The following GASK1B variants were observed in gnomAD, a reference collection of about 807,000 sequenced individuals.
The protein encoded by GASK1B is golgi associated kinase 1B.
In GASK1B, 34 loss-of-function variants were observed where a neutral mutation model predicts 42.8. That is an observed-to-expected ratio of 0.79 (90% CI 0.60 to 1.06). GASK1B has a LOEUF of 1.06. Ranked by LOEUF, GASK1B falls within the 50% of genes least tolerant of loss-of-function variation. The pLI is 0.00. For synonymous variants in GASK1B, 262 were observed against 259.1 expected (o/e 1.01, Z -0.11); for missense variants, 686 against 661.0 (o/e 1.04, Z -0.42).
intron 3 of GASK1B, among the ~76,000 whole-genome samples, chr4:158,153,335 G>A (rs1269201928): frequency 2.0e-5 from 3 of 152,144 alleles, no homozygotes; most frequent in African/African-American, 4.8e-5. Flanking sequence ...ACAAAACACT[G>A]CTGAAAGAAA....
intron 4 of GASK1B, among the ~76,000 whole-genome samples, chr4:158,129,649 G>C (rs1000108088): frequency 1.3e-5 from 2 of 152,042 alleles, no homozygotes; most frequent in Middle Eastern, 3.4e-3. Flanking sequence ...TAGCACCACA[G>C]TTATTACAGA....
In GASK1B at chr4:158,170,551, A is replaced by G; in HGVS notation, c.825T>C (p.Ser275=). 3 of 1,614,086 alleles carry G rather than the reference A, an allele frequency of 1.9e-6. No homozygotes were observed. Among genetic ancestry groups the G allele is most frequent in the Non-Finnish European group, 2.5e-6 (3 of 1,180,014 alleles). The change falls in exon 2 of 5, where the codon AGT becomes AGC. Residue 275 remains serine, a synonymous_variant. Coordinates refer to ENST00000585682, the MANE Select transcript of GASK1B (RefSeq NM_001128424.2). The part of the protein sequence containing the change: ...CGLLKQPLDM[S]EVFAFHLDRI... Reference sequence around the variant, plus strand: ...TGTCTAGGTGGAAGGCAAACACCTCACTCATGTCCAAGGGCTGCTTGAGAA... The same window carrying G: ...TGTCTAGGTGGAAGGCAAACACCTCGCTCATGTCCAAGGGCTGCTTGAGAA...
intron 3 of GASK1B, among the ~76,000 whole-genome samples, chr4:158,142,276 T>C (rs1390985969): frequency 2.0e-5 from 3 of 152,164 alleles, no homozygotes; most frequent in Non-Finnish European, 4.4e-5. Context: ...CCAAATACCA[T>C]AATGAGCAGT....
At chr4:158,153,700 C>G (rs898558790) in intron 3 of GASK1B, among the ~76,000 whole-genome samples, 1 of 152,078 alleles carries the variant, frequency 6.6e-6, no homozygotes, top group Non-Finnish European at 1.5e-5. Flanking sequence ...GAAATAAAGT[C>G]AAATACTTAC....
chr4:158,162,586 G>A (rs1356848219), intron 2 of GASK1B, among the ~76,000 whole-genome samples: 1 of 152,182 alleles, frequency 6.6e-6, no homozygotes, highest in Non-Finnish European at 1.5e-5. Flanking sequence ...CATAGAGACA[G>A]GGATGTGCAG....
At chr4:158,163,072 T>C (rs1315792148) in intron 2 of GASK1B, among the ~76,000 whole-genome samples, 1 of 152,218 alleles carries the variant, frequency 6.6e-6, no homozygotes, top group Non-Finnish European at 1.5e-5. Flanking sequence ...AATAAGATAA[T>C]GGATGCAAAC....
At chr4:158,145,326 TAGG>T (rs1731290664) in intron 3 of GASK1B, among the ~76,000 whole-genome samples, 1 of 152,134 alleles carries the variant, frequency 6.6e-6, no homozygotes. Context: ...AGGTAAGAAT[TAGG>T]AGGACAGAGT....
intron 2 of GASK1B, among the ~76,000 whole-genome samples, chr4:158,162,481 A>C (rs561698205): frequency 1.2e-4 from 18 of 152,310 alleles, no homozygotes; most frequent in African/African-American, 3.6e-4. Flanking sequence ...CCATGGACCC[A>C]GAATAAAAAT....
chr4:158,171,995 A>G (rs1476879853), intron 1 of GASK1B, among the ~76,000 whole-genome samples: 1 of 152,242 alleles, frequency 6.6e-6, no homozygotes, highest in African/African-American at 2.4e-5. Context: ...ACTAAGTACA[A>G]GCAGCAAGTA....
intron 2 of GASK1B, among the ~76,000 whole-genome samples, chr4:158,165,531 A>G (rs1429021461): frequency 2.0e-5 from 3 of 152,200 alleles, no homozygotes; most frequent in Non-Finnish European, 4.4e-5. Context: ...AACTTGTAGC[A>G]GTGTTCATAA....
At chr4:158,138,843 T>C (rs566125113) in intron 3 of GASK1B, among the ~76,000 whole-genome samples, 133 of 152,296 alleles carry the variant, frequency 8.7e-4, no homozygotes, top group Non-Finnish European at 1.2e-3. Flanking sequence ...AATTATTTTC[T>C]GGCCACTAAA....
chr4:158,145,768 C>A (rs1217578620), intron 3 of GASK1B, among the ~76,000 whole-genome samples: 1 of 152,168 alleles, frequency 6.6e-6, no homozygotes, highest in Non-Finnish European at 1.5e-5. Context: ...CAGCACTAAA[C>A]CTACTCAGTG....
At chr4:158,149,971 T>C (rs920666338) in intron 3 of GASK1B, among the ~76,000 whole-genome samples, 3 of 137,226 alleles carry the variant, frequency 2.2e-5, no homozygotes, top group Non-Finnish European at 4.7e-5. Context: ...GTCGCCCAGT[T>C]TGGAGTGCAG....
intron 3 of GASK1B, among the ~76,000 whole-genome samples, chr4:158,139,424 T>C (rs1487785206): frequency 6.6e-6 from 1 of 152,214 alleles, no homozygotes; most frequent in Non-Finnish European, 1.5e-5. Flanking sequence ...CATCCTTTTG[T>C]GGCAATCTCA....
chr4:158,162,438 T>C (rs957965771), intron 2 of GASK1B, among the ~76,000 whole-genome samples: 17 of 152,170 alleles, frequency 1.1e-4, no homozygotes, highest in African/African-American at 4.1e-4. Flanking sequence ...TCCCCCAATG[T>C]TCATGGATAG....
intron 3 of GASK1B, among the ~76,000 whole-genome samples, chr4:158,134,123 G>A (rs979666100): frequency 3.9e-5 from 6 of 151,994 alleles, no homozygotes; most frequent in Non-Finnish European, 5.9e-5. Context: ...GTTTCCTTTT[G>A]AATTCATATT....
At chr4:158,158,828 T>C (rs1459695829) in intron 2 of GASK1B, among the ~76,000 whole-genome samples, 1 of 152,138 alleles carries the variant, frequency 6.6e-6, no homozygotes, top group Non-Finnish European at 1.5e-5. Context: ...GTTATAGCAA[T>C]ATCACTAATC....
chr4:158,142,066 T>A, intron 3 of GASK1B, among the ~76,000 whole-genome samples: 1 of 147,560 alleles, frequency 6.8e-6, no homozygotes, highest in East Asian at 2.0e-4. Flanking sequence ...TGCCTCAGCC[T>A]CCCGAGTAGC....
intron 3 of GASK1B, among the ~76,000 whole-genome samples, chr4:158,136,132 T>A (rs1730880539): frequency 6.6e-6 from 1 of 152,190 alleles, no homozygotes; most frequent in African/African-American, 2.4e-5. Context: ...TAAAGTGGCA[T>A]GGGTCCTTGG....
Sources: gnomAD v4.1 joint callset for allele counts (sites outside exome capture counted in the v4.1 genomes callset) on GRCh38, gnomAD v4.1.1 for gene constraint, MANE v1.5 for transcripts, NCBI Gene and HGNC (gene_info 2026-07-23, HGNC 2026-07-21) for gene names.